The following GABRA5 variants were observed in gnomAD, a reference collection of about 807,000 sequenced individuals.
GABRA5 encodes the protein gamma-aminobutyric acid receptor subunit alpha-5.
In GABRA5, 18 loss-of-function variants were observed where a neutral mutation model predicts 47.3. The ratio of observed to expected loss-of-function variants is 0.38; its 90% CI spans 0.26 to 0.56. The LOEUF (loss-of-function observed/expected upper bound fraction) is 0.56, where lower values mean the gene tolerates loss of function less well. Ranked by LOEUF, GABRA5 falls within the 20% of genes least tolerant of loss-of-function variation. The pLI is 0.71. For synonymous variants in GABRA5, 237 were observed against 229.3 expected, an observed-to-expected ratio of 1.03 and a Z score of -0.30; for missense variants, 365 against 599.3, an observed-to-expected ratio of 0.61 and a Z score of 4.08.
At chr15:26,928,418 C>T (rs777470556) in intron 7 of GABRA5, among the ~76,000 whole-genome samples, 4 of 152,108 alleles carry the variant, frequency 2.6e-5, no homozygotes, top group Non-Finnish European at 5.9e-5. Context: ...TAGATTGTTT[C>T]AACAATCACG....
intron 3 of GABRA5, among the ~76,000 whole-genome samples, chr15:26,871,421 C>T (rs1024020886): frequency 2.0e-4 from 30 of 152,186 alleles, no homozygotes; most frequent in African/African-American, 7.0e-4. Context: ...ATCTTAGTCT[C>T]TGAAAGCTAA....
intron 6 of GABRA5, among the ~76,000 whole-genome samples, chr15:26,893,426 G>GGTGTGGGTATGTA (rs1566870554): frequency 2.2e-4 from 26 of 116,232 alleles, no homozygotes; most frequent in South Asian, 5.6e-4. Context: ...GTGTGTGTAT[G>GGTGTGGGTATGTA]GTGTGTGGCG....
At chr15:26,891,871 G>A (rs906038825) in intron 6 of GABRA5, among the ~76,000 whole-genome samples, 8 of 152,216 alleles carry the variant, frequency 5.3e-5, no homozygotes, top group African/African-American at 1.9e-4. Context: ...GACCCGCTCT[G>A]CTCATTTCAG....
chr15:26,943,143 T>G (rs1412982044), intron 9 of GABRA5, 72 bp from the exon 10 acceptor site: 2 of 1,053,980 alleles, frequency 1.9e-6, no homozygotes, highest in East Asian at 5.2e-5. Context: ...TTGGGCATGT[T>G]GTACTGGGGT....
At chr15:26,885,992 G>A (rs957660322) in intron 6 of GABRA5, among the ~76,000 whole-genome samples, 1 of 150,988 alleles carries the variant, frequency 6.6e-6, no homozygotes, top group East Asian at 2.0e-4. Flanking sequence ...AGCCTGAAAG[G>A]TGTACCATAT....
chr15:26,937,914 T>A (rs1894286013), intron 8 of GABRA5, among the ~76,000 whole-genome samples: 1 of 152,114 alleles, frequency 6.6e-6, no homozygotes. Context: ...TGGCCAGATG[T>A]CTCCAGGACA....
rs1470517398 is a variant in GABRA5 at position 26,948,929 on chromosome 15, C to T, written c.*696C>T. 1 of 152,198 alleles carries T rather than the reference C, an allele frequency of 6.6e-6. No individual in the cohort carries two copies. The highest frequency in any genetic ancestry group is 2.4e-5 in the African/African-American group (1 of 41,436). 9.4% of individuals were successfully genotyped at this position (152,198 alleles called of 1,614,324 possible). On this transcript the variant is annotated 3_prime_UTR_variant, in exon 11 of 11. Transcript: ENST00000335625. Reference sequence around the variant, plus strand: ...GAAACATTTCTTACCCCACACCACCCACTACCTGAACAATAGCCAAGAAAG... The same window carrying T: ...GAAACATTTCTTACCCCACACCACCTACTACCTGAACAATAGCCAAGAAAG...
At chr15:26,885,816 G>T (rs1892863500) in intron 6 of GABRA5, among the ~76,000 whole-genome samples, 1 of 152,174 alleles carries the variant, frequency 6.6e-6, no homozygotes, top group African/African-American at 2.4e-5. Flanking sequence ...GGTGTTGGAG[G>T]ATGTCTAGGG....
chr15:26,919,132 C>T (rs144432297), intron 7 of GABRA5, among the ~76,000 whole-genome samples: 7 of 140,848 alleles, frequency 5.0e-5, no homozygotes, highest in Admixed American at 4.4e-4. Context: ...AATAGTGTAA[C>T]ACCCTGTCTC....
rs924895790 is a variant in GABRA5 at position 26,867,174 on chromosome 15, CG to C, written c.-140+67del. 2.0e-5 allele frequency: 3 copies of C among 148,520 alleles called. No individual in the cohort carries two copies. The highest frequency in any genetic ancestry group is 3.0e-5 in the Non-Finnish European group (2 of 66,526). The allele number at this position is 148,520 out of a possible 1,614,324, so 9.2% of individuals were successfully genotyped here. A position where few individuals can be genotyped will look rare whatever the true frequency, so the allele number is the denominator to read the frequency against. On this transcript the variant is annotated intron_variant, in intron 1 of 10. Transcript: ENST00000335625. The surrounding 1 kb of genome is among the most constrained non-coding windows in gnomAD (Gnocchi z 5.9). The stretch of plus-strand genomic sequence containing the variant: ...GCTCTGCGGCGGGCGGCGCGCGGCC[CG>C]GGGCGCGGCGCGGAGCGGAGCTGCA...
intron 6 of GABRA5, among the ~76,000 whole-genome samples, chr15:26,890,740 C>T (rs1364943543): frequency 6.6e-6 from 1 of 152,182 alleles, no homozygotes; most frequent in Non-Finnish European, 1.5e-5. Flanking sequence ...ATAACACATG[C>T]ATGATACACG....
intron 7 of GABRA5, among the ~76,000 whole-genome samples, chr15:26,933,347 C>T (rs954690301): frequency 1.3e-5 from 2 of 152,094 alleles, no homozygotes; most frequent in African/African-American, 4.8e-5. Flanking sequence ...TACTGTTTTC[C>T]ATGAGGAAAT....
At chr15:26,944,593 G>C (rs770778817) in intron 10 of GABRA5, among the ~76,000 whole-genome samples, 1 of 151,102 alleles carries the variant, frequency 6.6e-6, no homozygotes, top group South Asian at 2.1e-4. Context: ...ATAGGGACTC[G>C]GGGGCTGGGA....
At chr15:26,930,473 C>G (rs989663345) in intron 7 of GABRA5, among the ~76,000 whole-genome samples, 1 of 152,162 alleles carries the variant, frequency 6.6e-6, no homozygotes, top group African/African-American at 2.4e-5. Context: ...AAAACTATGA[C>G]TATAACACGA....
chr15:26,934,763 G>T (rs1448048648), intron 7 of GABRA5, among the ~76,000 whole-genome samples: 1 of 152,132 alleles, frequency 6.6e-6, no homozygotes, highest in Non-Finnish European at 1.5e-5. Context: ...TACTTCCTTT[G>T]TAGTTATTCA....
chr15:26,938,241 A>G (rs1894294749), intron 8 of GABRA5, among the ~76,000 whole-genome samples: 1 of 152,136 alleles, frequency 6.6e-6, no homozygotes, highest in Non-Finnish European at 1.5e-5. Flanking sequence ...CCTGGGGGAT[A>G]TGAGAGTCTG....
At chr15:26,911,164 A>T (rs940848382) in intron 6 of GABRA5, among the ~76,000 whole-genome samples, 1 of 76,102 alleles carries the variant, frequency 1.3e-5, no homozygotes, top group Non-Finnish European at 2.8e-5. Flanking sequence ...TACTTTCCTG[A>T]GGTTTAGAAT....
At position 26,883,591 on chromosome 15, in the gene GABRA5, G is replaced by GT; in HGVS notation, c.497+34_497+35insT. The GT allele has an allele frequency of 2.1e-6, 3 of 1,454,462 alleles. No individual in the cohort carries two copies. The highest frequency in any genetic ancestry group is 1.9e-6 in the Non-Finnish European group (2 of 1,069,364). 90.1% of individuals were successfully genotyped at this position (1,454,462 alleles called of 1,614,324 possible). ...CGGGCGGGGGCGGGCGGGGCCGGGG[G>GT]ACGGTGCGGGGCAGGCGCGGCTGCC... On this transcript the variant is annotated intron_variant, in intron 6 of 10. Coordinates refer to ENST00000335625, the MANE Select transcript of GABRA5 (RefSeq NM_000810.4). The surrounding 1 kb of genome is among the most constrained non-coding windows in gnomAD (Gnocchi z 4.8).
intron 6 of GABRA5, among the ~76,000 whole-genome samples, chr15:26,900,327 T>A (rs1452668617): frequency 2.6e-5 from 4 of 152,148 alleles, no homozygotes; most frequent in Non-Finnish European, 5.9e-5. Context: ...GTATTTAAAG[T>A]CATATGGGAT....
Sources: gnomAD v4.1 joint callset for allele counts (sites outside exome capture counted in the v4.1 genomes callset) on GRCh38, gnomAD v4.1.1 for gene constraint, Gnocchi (gnomAD v3.1) non-coding constraint, MANE v1.5 for transcripts, NCBI Gene and HGNC (gene_info 2026-07-23, HGNC 2026-07-21) for gene names.